TTC6: variants seen among roughly 807,000 people sequenced by gnomAD.
TTC6 encodes the protein tetratricopeptide repeat domain 6.
TTC6 carries 172 observed loss-of-function variants against 210.4 expected under a neutral mutation model. The ratio of observed to expected loss-of-function variants is 0.82; its 90% CI spans 0.72 to 0.93. The LOEUF (loss-of-function observed/expected upper bound fraction) is 0.93, where lower values mean the gene tolerates loss of function less well. Among genes scored for constraint, TTC6 ranks in the 40% least tolerant of loss-of-function variants. The pLI, the probability that TTC6 is intolerant of heterozygous loss-of-function variation, is 0.00. For missense variants in TTC6, 2,414 were observed against 2,318.1 expected, an observed-to-expected ratio of 1.04 and a Z score of -0.85; for synonymous variants, 804 against 819.6, an observed-to-expected ratio of 0.98 and a Z score of 0.32.
At chr14:37,742,949 A>G (rs1461951774) in intron 10 of TTC6, among the ~76,000 whole-genome samples, 1 of 152,238 alleles carries the variant, frequency 6.6e-6, no homozygotes, top group Non-Finnish European at 1.5e-5. Flanking sequence ...GTCCAGCTCA[A>G]ATATCCCTTG....
intron 6 of TTC6, among the ~76,000 whole-genome samples, chr14:37,721,874 ATATG>A (rs1161444748): frequency 4.6e-5 from 6 of 130,066 alleles, no homozygotes; most frequent in African/African-American, 1.1e-4. Flanking sequence ...ATATATATAT[ATATG>A]TATATATACA....
intron 1 of TTC6, among the ~76,000 whole-genome samples, chr14:37,629,306 T>G (rs2095665463): frequency 6.6e-6 from 1 of 152,216 alleles, no homozygotes. Context: ...TAGTTCTCCT[T>G]GAAGAGGTCC....
chr14:37,820,972 TTCTTCCTCTTCATCCTGTTCC>T (rs2096154928), intron 26 of TTC6, among the ~76,000 whole-genome samples: 1 of 145,206 alleles, frequency 6.9e-6, no homozygotes, highest in South Asian at 2.2e-4. Flanking sequence ...CCTCCTCCTC[TTCTTCCTCTTCATCCTGTTCC>T]TCTTCCTCTT....
intron 14 of TTC6, among the ~76,000 whole-genome samples, chr14:37,779,753 A>G (rs901039193): frequency 6.6e-6 from 1 of 152,180 alleles, no homozygotes; most frequent in African/African-American, 2.4e-5. Context: ...AATTGAAGGG[A>G]CATTACTTGC....
chr14:37,805,416 GACACACACAC>G (rs60931072), intron 21 of TTC6, among the ~76,000 whole-genome samples: 105 of 146,412 alleles, frequency 7.2e-4, no homozygotes, highest in South Asian at 1.5e-3. Context: ...TCTATCTCAA[GACACACACAC>G]ACACACACAC....
chr14:37,647,840 G>T (rs1323114244), intron 1 of TTC6, among the ~76,000 whole-genome samples: 1 of 152,108 alleles, frequency 6.6e-6, no homozygotes, highest in Non-Finnish European at 1.5e-5. Context: ...TGGAATTAAT[G>T]AAAGAAGCTG....
chr14:37,787,889 C>CTGTG (rs3062823), intron 15 of TTC6, among the ~76,000 whole-genome samples: 6,031 of 147,236 alleles, frequency 0.041, 135 homozygotes, highest in Middle Eastern at 0.076. Context: ...GTGTGTGTGT[C>CTGTG]TGTGTGTGTG....
chr14:37,662,931 A>G (rs1229804133), intron 1 of TTC6, among the ~76,000 whole-genome samples: 5 of 152,100 alleles, frequency 3.3e-5, no homozygotes, highest in African/African-American at 9.7e-5. Flanking sequence ...GAAGAATGTC[A>G]TTAATAGTTT....
At chr14:37,709,642 G>A (rs1334728405) in intron 5 of TTC6, among the ~76,000 whole-genome samples, 1 of 145,468 alleles carries the variant, frequency 6.9e-6, no homozygotes, top group Non-Finnish European at 1.5e-5. Flanking sequence ...ATGTAGCAAT[G>A]AAGTTACGAT....
intron 1 of TTC6, among the ~76,000 whole-genome samples, chr14:37,640,744 T>C (rs902861483): frequency 6.6e-6 from 1 of 152,202 alleles, no homozygotes; most frequent in African/African-American, 2.4e-5. Context: ...GGTTTTGCCA[T>C]GTTGCCCAGG....
At chr14:37,810,952 G>A (rs2096128349) in intron 24 of TTC6, among the ~76,000 whole-genome samples, 1 of 152,158 alleles carries the variant, frequency 6.6e-6, no homozygotes, top group East Asian at 1.9e-4. Context: ...ACAATATGAT[G>A]AATTTTTAAC....
chr14:37,622,747 G>C, exon 1 of TTC6: 1 of 1,535,030 alleles, frequency 6.5e-7, no homozygotes, highest in East Asian at 2.4e-5. Context: ...AGGATCCGCA[G>C]CAACTTCGTG....
intron 1 of TTC6, among the ~76,000 whole-genome samples, chr14:37,674,551 A>C (rs2095764796): frequency 6.6e-6 from 1 of 152,122 alleles, no homozygotes; most frequent in African/African-American, 2.4e-5. Flanking sequence ...CCATTTTACA[A>C]ACTTGAGAGG....
At chr14:37,730,179 T>A (rs1195882434) in intron 7 of TTC6, among the ~76,000 whole-genome samples, 1 of 152,240 alleles carries the variant, frequency 6.6e-6, no homozygotes, top group Non-Finnish European at 1.5e-5. Context: ...CAGATCTATG[T>A]GCTCTTATTT....
At chr14:37,744,898 GT>G (rs2095931305) in intron 10 of TTC6, among the ~76,000 whole-genome samples, 1 of 152,046 alleles carries the variant, frequency 6.6e-6, no homozygotes, top group African/African-American at 2.4e-5. Context: ...TAGTTTCTTG[GT>G]TTGGGGTGAT....
chr14:37,739,966 A>G (rs1033904919), intron 10 of TTC6, among the ~76,000 whole-genome samples: 105 of 152,130 alleles, frequency 6.9e-4, no homozygotes, highest in African/African-American at 2.4e-3. Flanking sequence ...GATCGAGACC[A>G]TCGTGGCTAA....
intron 9 of TTC6, 51 bp downstream of exon 11, chr14:37,737,785 A>G (rs1480044939): frequency 6.9e-6 from 7 of 1,013,600 alleles, no homozygotes; most frequent in Non-Finnish European, 9.7e-6. Flanking sequence ...TTATATTCCT[A>G]GGAATAATAA....
In TTC6 at chr14:37,842,401, T is replaced by C. The variant is rs148313367; in HGVS notation, c.*110T>C. 185 of 1,003,734 alleles carry C rather than the reference T, an allele frequency of 1.8e-4. 3 individuals carry two copies. In the African/African-American group the frequency reaches 2.8e-3, roughly 15 times the overall value. 62.2% of individuals were successfully genotyped at this position (1,003,734 alleles called of 1,614,324 possible). ...ATTTTCATTATTGTATTCGTTATGCTTAGTCTTCCATATAACCTTCTATGC... is the reference window on the plus strand; with the variant it reads ...ATTTTCATTATTGTATTCGTTATGCCTAGTCTTCCATATAACCTTCTATGC... On this transcript the variant is annotated 3_prime_UTR_variant, in exon 31 of 31. Transcript: ENST00000553443.
chr14:37,754,043 C>T (rs1595201695), intron 14 of TTC6, among the ~76,000 whole-genome samples: 1 of 151,960 alleles, frequency 6.6e-6, no homozygotes, highest in Admixed American at 6.6e-5. Flanking sequence ...CTGATCTTTT[C>T]AGTTGCAGTT....
Sources: gnomAD v4.1 joint callset for allele counts (sites outside exome capture counted in the v4.1 genomes callset) on GRCh38, gnomAD v4.1.1 for gene constraint, MANE v1.5 for transcripts, NCBI Gene and HGNC (gene_info 2026-07-23, HGNC 2026-07-21) for gene names.